Variants in WNK4 observed in about 807,000 individuals in gnomAD.
WNK4 encodes serine/threonine-protein kinase WNK4.
Under a neutral mutation model 116.2 loss-of-function variants are expected in WNK4, and 94 were observed. That is an observed-to-expected ratio of 0.81 (90% CI 0.68 to 0.96). WNK4 has a LOEUF of 0.96. WNK4 is among the 40% of genes least tolerant of loss of function. The probability of loss-of-function intolerance (pLI) is 0.00; values close to 1 mark genes in which losing one functional copy is unlikely to be tolerated. For synonymous variants in WNK4, 655 were observed against 672.7 expected (o/e 0.97, Z 0.41); for missense variants, 1,542 against 1,650.6 (o/e 0.93, Z 1.14).
In WNK4 at chr17:42,796,542, C is replaced by G. The variant is rs569324622; in HGVS notation, c.3693C>G (p.Ser1231Arg). 198 of 1,614,078 alleles carry G rather than the reference C, an allele frequency of 1.2e-4. 1 individual carries two copies. Among genetic ancestry groups the G allele is most frequent in the South Asian group, 1.0e-3 (94 of 91,088 alleles). ...CCGGCTCCCAGGAGCAGCGGGCAAG[C>G]AAGGGGGTGACATTCGCCGGGGATG... ...SSTGSQEQRA[S>R]KGVTFAGDVG... The change falls in exon 18 of 19, where the codon AGC becomes AGG. Residue 1231 changes from serine to arginine, a missense_variant. This residue lies in a region of WNK4 where 148 missense variants were observed against 157.2 expected (regional missense o/e 0.94). Transcript: ENST00000246914.
At chr17:42,787,227 CT>C (rs2054558524) in intron 6 of WNK4, 50 bp from the exon 7 acceptor site, 1 of 1,609,660 alleles carries the variant, frequency 6.2e-7, no homozygotes, top group Non-Finnish European at 8.5e-7. Flanking sequence ...CCTGATGGAT[CT>C]TTGATAGGGG....
Position 42,780,996 on chromosome 17 carries a change from C to G in WNK4, c.298C>G (p.Pro100Ala), listed in dbSNP as rs905650107. 6.2e-7 allele frequency: 1 copy of G among 1,610,232 alleles called. No individual in the cohort carries two copies. The highest frequency in any genetic ancestry group is 1.3e-5 in the African/African-American group (1 of 74,918). The change falls in exon 1 of 19, where the codon CCT becomes GCT. Residue 100 changes from proline to alanine, a missense_variant. Pro to Ala is a conservative substitution (Grantham distance 27, BLOSUM62 -1). This residue lies in a region of WNK4 where 243 missense variants were observed against 217.8 expected (regional missense o/e 1.12). Transcript: ENST00000246914. ...AGPGPARSPP[P>A]SSKEPPEGTW... ...TCCTGGCCCCGCGAGGAGCCCACCG[C>G]CTAGCTCCAAAGAACCCCCCGAGGG...
In WNK4 at chr17:42,780,675, C is replaced by T; in HGVS notation, c.-24C>T. 1 of 1,603,606 alleles carries T rather than the reference C, an allele frequency of 6.2e-7. No homozygotes were observed. The highest frequency in any genetic ancestry group is 8.5e-7 in the Non-Finnish European group (1 of 1,179,214). On this transcript the variant is annotated 5_prime_UTR_variant, in exon 1 of 19. Coordinates refer to ENST00000246914, the MANE Select transcript of WNK4 (RefSeq NM_032387.5). Reference sequence around the variant, plus strand: ...TCCTCTCCGGCCGTCTGATTTTCTACCCTTCGGCGCCCTGCTCTTCCTCAT... The same window carrying T: ...TCCTCTCCGGCCGTCTGATTTTCTATCCTTCGGCGCCCTGCTCTTCCTCAT...
chr17:42,784,199 C>G lies in WNK4; in HGVS notation c.1012+42C>G, dbSNP rs1321488813. On this transcript the variant is annotated intron_variant, in intron 3 of 18. Coordinates refer to ENST00000246914, the MANE Select transcript of WNK4 (RefSeq NM_032387.5). The surrounding 1 kb of genome is among the most constrained non-coding windows in gnomAD (Gnocchi z 4.4). ...GGGTCCATGCCATTCCTTCCTCCCC[C>G]ACCTCAGAAGAGAACCTGGGGACTC... is the stretch of plus-strand genomic sequence containing the variant. 3.1e-6 allele frequency: 5 copies of G among 1,600,962 alleles called. No individual in the cohort carries two copies. In the South Asian group the frequency reaches 3.3e-5, roughly 11 times the overall value.
chr17:42,789,607 T>C (rs2054587714), intron 11 of WNK4, among the ~76,000 whole-genome samples: 1 of 150,232 alleles, frequency 6.7e-6, no homozygotes, highest in Non-Finnish European at 1.5e-5. Flanking sequence ...GAGGTTGCAG[T>C]GAGCCGAGAT....
At chr17:42,785,785 A>ATTTTTC (rs1446624046) in intron 6 of WNK4, among the ~76,000 whole-genome samples, 1 of 149,980 alleles carries the variant, frequency 6.7e-6, no homozygotes, top group Non-Finnish European at 1.5e-5. Flanking sequence ...CTCCCTCCCC[A>ATTTTTC]TTTTTCTTTT....
In WNK4 at chr17:42,795,701, A is replaced by G. The variant is rs1235362884; in HGVS notation, c.3099A>G (p.Pro1033=). 1.9e-6 allele frequency: 3 copies of G among 1,613,334 alleles called. No homozygotes were observed. The highest frequency in any genetic ancestry group is 2.5e-6 in the Non-Finnish European group (3 of 1,180,016). ...KEPAEPLPLQ[P]TSPTLSGSPK... ...CGGCTGAGCCTCTTCCCTTGCAGCC[A>G]ACATCCCCCACTCTCTCTGGTTCTC... The change falls in exon 16 of 19, where the codon CCA becomes CCG. Residue 1033 remains proline (P), a synonymous_variant. Transcript: ENST00000246914.
In WNK4 at chr17:42,788,361, G is replaced by A. The variant is rs1222959674; in HGVS notation, c.1994G>A (p.Gly665Glu). 6.2e-7 allele frequency: 1 copy of A among 1,613,678 alleles called. No individual in the cohort carries two copies. Among genetic ancestry groups the A allele is most frequent in the Non-Finnish European group, 8.5e-7 (1 of 1,180,042 alleles). ...ATGGGACAAATGAGGAGACCCCCAG[G>A]GAGGAATCTCCGGCGCAGACCCCGA... ...EGMGQMRRPP[G>E]RNLRRRPRSR... Residue 665 changes from glycine (G) to glutamate (E), a missense_variant, in exon 10 of 19, where the codon GGG becomes GAG. By Grantham distance (98) the Gly-to-Glu change is moderately conservative (BLOSUM62 -2). Around this residue, in one of 7 missense-constraint regions of WNK4, gnomAD observed 808 missense variants for 873.6 expected, o/e 0.92. Coordinates refer to ENST00000246914, the MANE Select transcript of WNK4 (RefSeq NM_032387.5).
Position 42,787,407 on chromosome 17 carries a change from G to A in WNK4, c.1606G>A (p.Glu536Lys). 1 of 1,614,154 alleles carries A rather than the reference G, an allele frequency of 6.2e-7. No individual in the cohort carries two copies. Among genetic ancestry groups the A allele is most frequent in the Non-Finnish European group, 8.5e-7 (1 of 1,180,034 alleles). ...KARELEALPP[E>K]PGPPPATVPM... ...AAGGGAATTGGAGGCACTCCCACCA[G>A]AGCCAGGACCTCCACCAGCAACTGT... Residue 536 changes from glutamate to lysine, a missense_variant, in exon 7 of 19, where the codon GAG (glutamate) becomes AAG (lysine). Physicochemically the swap from Glu to Lys is moderately conservative, Grantham distance 56. This residue lies in a region of WNK4 where 808 missense variants were observed against 873.6 expected (regional missense o/e 0.92). Coordinates refer to ENST00000246914, the MANE Select transcript of WNK4 (RefSeq NM_032387.5).
In WNK4 at chr17:42,796,857, C is replaced by A; in HGVS notation, c.*169C>A. 1 of 1,352,504 alleles carries A rather than the reference C, an allele frequency of 7.4e-7. No homozygotes were observed. The highest frequency in any genetic ancestry group is 1.0e-6 in the Non-Finnish European group (1 of 969,838). The allele number at this position is 1,352,504 out of a possible 1,614,324, so 83.8% of individuals were successfully genotyped here. A position where few individuals can be genotyped will look rare whatever the true frequency, so the allele number is the denominator to read the frequency against. On this transcript the variant is annotated 3_prime_UTR_variant, in exon 19 of 19. Coordinates refer to ENST00000246914, the MANE Select transcript of WNK4 (RefSeq NM_032387.5). ...AGTGCAGCTCCATTATAGTGAAGAG[C>A]CAAACATATGTGAACTGTTTGCTGT...
Position 42,796,727 on chromosome 17 carries a change from C to T in WNK4, c.*39C>T, listed in dbSNP as rs1204013841. On this transcript the variant is annotated 3_prime_UTR_variant, in exon 19 of 19. Transcript: ENST00000246914. ...GCCATGTATCTCCCCCACACCAGGGCCCACCATGGAGCTTGTGTTCTCAGA... is the reference window on the plus strand; with the variant it reads ...GCCATGTATCTCCCCCACACCAGGGTCCACCATGGAGCTTGTGTTCTCAGA... 1.2e-6 allele frequency: 2 copies of T among 1,614,188 alleles called. No individual in the cohort carries two copies. Among genetic ancestry groups the T allele is most frequent in the South Asian group, 2.2e-5 (2 of 91,086 alleles).
chr17:42,791,966 A>C (rs544907435), intron 11 of WNK4, among the ~76,000 whole-genome samples: 5 of 151,726 alleles, frequency 3.3e-5, no homozygotes, highest in African/African-American at 1.2e-4. Context: ...AAAAAAAAAT[A>C]ATAATGTACC....
chr17:42,796,058 TGA>T (rs952123571), intron 16 of WNK4, 25 bp downstream of exon 16: 18 of 1,613,532 alleles, frequency 1.1e-5, no homozygotes, highest in Non-Finnish European at 1.5e-5. Flanking sequence ...GATGGAGGAG[TGA>T]GAGGAGAACC....
intron 7 of WNK4, 56 bp downstream of exon 7, chr17:42,787,598 C>T (rs1335360695): frequency 3.1e-6 from 5 of 1,608,482 alleles, no homozygotes; most frequent in East Asian, 2.2e-5. Flanking sequence ...CCTCTGCCCC[C>T]TACCCAGAAG....
In WNK4 at chr17:42,780,721, A is replaced by G. The variant is rs1568024960; in HGVS notation, c.23A>G (p.Glu8Gly). ...CTCATGTTGGCATCCCCGGCCACGG[A>G]GACCACCGTCCTCATGTCCCAGACT... is the stretch of plus-strand genomic sequence containing the variant. Reference protein sequence around the residue: MLASPATETTVLMSQTEA... With the variant: MLASPATGTTVLMSQTEA... Residue 8 changes from glutamate (E) to glycine (G), a missense_variant, in exon 1 of 19, where the codon GAG becomes GGG. Glu to Gly is a moderately conservative substitution (Grantham distance 98). Coordinates refer to ENST00000246914, the MANE Select transcript of WNK4 (RefSeq NM_032387.5). The G allele has an allele frequency of 6.2e-7, 1 of 1,608,616 alleles. No homozygotes were observed. The highest frequency in any genetic ancestry group is 1.3e-5 in the African/African-American group (1 of 74,776).
chr17:42,791,164 C>T (rs1226517000), intron 11 of WNK4, among the ~76,000 whole-genome samples: 2 of 152,178 alleles, frequency 1.3e-5, no homozygotes, highest in African/African-American at 4.8e-5. Context: ...GCCCTCTTTT[C>T]TCTCCTTACC....
intron 6 of WNK4, among the ~76,000 whole-genome samples, chr17:42,785,715 C>T (rs572099772): frequency 1.3e-5 from 2 of 152,316 alleles, no homozygotes; most frequent in South Asian, 4.1e-4. Context: ...CCTGCTTTAC[C>T]TCCAGCTGAT....
Position 42,784,296 on chromosome 17 carries a change from A to G in WNK4, c.1013-126A>G. The G allele has an allele frequency of 6.5e-7, 1 of 1,527,356 alleles. No homozygotes were observed. Among genetic ancestry groups the G allele is most frequent in the South Asian group, 1.2e-5 (1 of 86,912 alleles). 94.6% of individuals were successfully genotyped at this position (1,527,356 alleles called of 1,614,324 possible). A position where few individuals can be genotyped will look rare whatever the true frequency, so the allele number is the denominator to read the frequency against. On this transcript the variant is annotated intron_variant, in intron 3 of 18. Coordinates refer to ENST00000246914, the MANE Select transcript of WNK4 (RefSeq NM_032387.5). This position sits in a 1 kb window ranked among gnomAD's most constrained non-coding sequence, Gnocchi z 4.4. ...CAGGGAAGCTGAGGAGACCTATGGC[A>G]CCCACCTCAACCCCACTGTGGGCCG...
rs374392321 is a variant in WNK4 at position 42,782,233 on chromosome 17, A to G, written c.619-525A>G. Reference sequence around the variant, plus strand: ...GAGGGAGAGGAGCCGGGGCGGGACGACTATGGGGGTGGGCAGCCTCCTGGC... The same window carrying G: ...GAGGGAGAGGAGCCGGGGCGGGACGGCTATGGGGGTGGGCAGCCTCCTGGC... On this transcript the variant is annotated intron_variant, in intron 1 of 18. Coordinates refer to ENST00000246914, the MANE Select transcript of WNK4 (RefSeq NM_032387.5). This position sits in a 1 kb window ranked among gnomAD's most constrained non-coding sequence, Gnocchi z 4.2. Among the ~76,000 whole-genome samples the G allele has an allele frequency of 3.5e-4, 53 of 150,824 alleles. 1 individual carries two copies. The highest frequency in any genetic ancestry group is 1.3e-3 in the African/African-American group (53 of 40,742).
Sources: allele counts gnomAD v4.1 joint callset (sites outside exome capture counted in the v4.1 genomes callset), GRCh38; gene constraint gnomAD v4.1.1; regional missense constraint gnomAD v4.1.1; non-coding constraint Gnocchi (gnomAD v3.1); transcripts MANE v1.5; gene names NCBI Gene and HGNC (gene_info 2026-07-23, HGNC 2026-07-21).